Variants in FOXP1 observed in about 807,000 individuals in gnomAD.
FOXP1 encodes the protein forkhead box protein P1.
In FOXP1, 15 loss-of-function variants were observed where a neutral mutation model predicts 98.2. The ratio of observed to expected loss-of-function variants is 0.15; its 90% confidence interval spans 0.10 to 0.24. FOXP1 has a LOEUF of 0.24. FOXP1 is among the 10% of genes least tolerant of loss of function. The pLI is 1.00. For synonymous variants in FOXP1, 371 were observed against 314.5 expected (o/e 1.18, Z -1.90); for missense variants, 633 against 848.5 (o/e 0.75, Z 3.15).
intron 3 of FOXP1, among the ~76,000 whole-genome samples, chr3:71,363,177 AT>A (rs1560372566): frequency 6.6e-6 from 1 of 151,996 alleles, no homozygotes; most frequent in Non-Finnish European, 1.5e-5. Flanking sequence ...AAAATTGAAA[AT>A]TTTTTCAATT....
intron 3 of FOXP1, among the ~76,000 whole-genome samples, chr3:71,414,253 T>C (rs1035100955): frequency 1.3e-5 from 2 of 152,224 alleles, no homozygotes; most frequent in African/African-American, 4.8e-5. Context: ...GCTCTGCTTT[T>C]TGGCCAGCCG....
chr3:71,373,693 G>T (rs2079508122), intron 3 of FOXP1, among the ~76,000 whole-genome samples: 2 of 151,938 alleles, frequency 1.3e-5, no homozygotes, highest in African/African-American at 4.9e-5. Context: ...ACATTATCAG[G>T]AGAAGGTTTA....
At chr3:71,164,550 A>G (rs1397598477) in intron 6 of FOXP1, among the ~76,000 whole-genome samples, 1 of 152,212 alleles carries the variant, frequency 6.6e-6, no homozygotes, top group East Asian at 1.9e-4. Flanking sequence ...AAAGGAGAAA[A>G]CACATTGCTA....
At chr3:71,302,512 G>GC (rs2073931349) in intron 4 of FOXP1, among the ~76,000 whole-genome samples, 1 of 84,534 alleles carries the variant, frequency 1.2e-5, no homozygotes, top group East Asian at 4.6e-4. Context: ...AAGCTTTTAT[G>GC]TAAAAAAAAA....
intron 3 of FOXP1, among the ~76,000 whole-genome samples, chr3:71,412,528 A>G (rs1266436502): frequency 1.3e-5 from 2 of 152,212 alleles, no homozygotes; most frequent in Non-Finnish European, 2.9e-5. Flanking sequence ...AGCCAAAGAA[A>G]ATCACAAATG....
At chr3:71,054,642 A>C (rs974649376) in intron 7 of FOXP1, among the ~76,000 whole-genome samples, 4 of 152,218 alleles carry the variant, frequency 2.6e-5, no homozygotes, top group African/African-American at 4.8e-5. Context: ...TTAGCTATTC[A>C]AAATAATCAC....
chr3:71,372,069 G>C (rs1396014315), intron 3 of FOXP1, among the ~76,000 whole-genome samples: 2 of 150,984 alleles, frequency 1.3e-5, no homozygotes, highest in Non-Finnish European at 2.9e-5. Flanking sequence ...CTGGAGTGCA[G>C]TGGCACGATC....
chr3:71,367,988 A>G (rs954442477), intron 3 of FOXP1, among the ~76,000 whole-genome samples: 5 of 152,224 alleles, frequency 3.3e-5, no homozygotes, highest in Admixed American at 2.0e-4. Context: ...AAACGTGTTC[A>G]CCACTTAGGG....
At chr3:70,960,621 T>C (rs189072830) in intron 20 of FOXP1, among the ~76,000 whole-genome samples, 1 of 152,236 alleles carries the variant, frequency 6.6e-6, no homozygotes, top group Non-Finnish European at 1.5e-5. Context: ...TAAATTGACG[T>C]TATCAAGTAT....
Position 70,956,461 on chromosome 3 carries a change from C to G in FOXP1, c.*2786G>C, listed in dbSNP as rs1029428992. 1 of 216,702 alleles carries G rather than the reference C, an allele frequency of 4.6e-6. No homozygotes were observed. The highest frequency in any genetic ancestry group is 6.0e-5 in the Admixed American group (1 of 16,534). The allele number at this position is 216,702 out of a possible 1,614,324, so 13.4% of individuals were successfully genotyped here. Reference sequence around the variant, plus strand: ...CAGTCTTTAGACTAAGCATGCAAGACATACGACTAAGTGCAACTGAGTGAA... The same window carrying G: ...CAGTCTTTAGACTAAGCATGCAAGAGATACGACTAAGTGCAACTGAGTGAA... On this transcript the variant is annotated 3_prime_UTR_variant, in exon 21 of 21. Transcript: ENST00000649528.
intron 11 of FOXP1, among the ~76,000 whole-genome samples, chr3:71,029,450 G>T (rs909246495): frequency 6.6e-6 from 1 of 152,064 alleles, no homozygotes; most frequent in Non-Finnish European, 1.5e-5. Flanking sequence ...GAGTGCAGTG[G>T]TGTGATCTCG....
At chr3:71,563,954 T>A (rs919944979) in intron 2 of FOXP1, among the ~76,000 whole-genome samples, 2 of 152,260 alleles carry the variant, frequency 1.3e-5, no homozygotes, top group Non-Finnish European at 2.9e-5. Context: ...ACCCACAGTA[T>A]GCCAGATTAT....
At chr3:71,218,185 T>C (rs2065086436) in intron 5 of FOXP1, among the ~76,000 whole-genome samples, 1 of 152,238 alleles carries the variant, frequency 6.6e-6, no homozygotes, top group Non-Finnish European at 1.5e-5. Context: ...CCTTTCCTCA[T>C]TTCCCGTGAA....
chr3:71,264,455 CAT>C (rs1369867549), intron 5 of FOXP1, among the ~76,000 whole-genome samples: 6 of 152,144 alleles, frequency 3.9e-5, no homozygotes, highest in Non-Finnish European at 7.4e-5. Flanking sequence ...ATGCAAGACT[CAT>C]AAAATCTTGA....
At chr3:71,583,422 AGTT>A (rs1160010627) in intron 1 of FOXP1, 146 bp downstream of exon 1, 9 of 913,492 alleles carry the variant, frequency 9.9e-6, no homozygotes, top group Admixed American at 1.3e-4. Flanking sequence ...GGTGGAAAGT[AGTT>A]GTTTTTTTTT....
chr3:71,501,744 C>G (rs2041380376), intron 2 of FOXP1, among the ~76,000 whole-genome samples: 1 of 152,180 alleles, frequency 6.6e-6, no homozygotes, highest in Non-Finnish European at 1.5e-5. Context: ...CACTAACCAC[C>G]TTGAATCCAT....
At chr3:71,349,877 C>T (rs540004341) in intron 4 of FOXP1, among the ~76,000 whole-genome samples, 2 of 152,194 alleles carry the variant, frequency 1.3e-5, no homozygotes, top group South Asian at 4.1e-4. Context: ...CTATTTTTAT[C>T]CTCAGGTACC....
At chr3:71,020,871 C>T (rs763330232) in intron 11 of FOXP1, among the ~76,000 whole-genome samples, 1 of 152,282 alleles carries the variant, frequency 6.6e-6, no homozygotes, top group South Asian at 2.1e-4. Flanking sequence ...AGGCTACGTA[C>T]ATCTGTGCCC....
intron 7 of FOXP1, among the ~76,000 whole-genome samples, chr3:71,085,416 C>T (rs550877554): frequency 1.8e-4 from 27 of 152,268 alleles, no homozygotes; most frequent in Admixed American, 4.6e-4. Flanking sequence ...TCCCAAAGTG[C>T]CTCACATCAC....
Sources: allele counts gnomAD v4.1 joint callset (sites outside exome capture counted in the v4.1 genomes callset), GRCh38; gene constraint gnomAD v4.1.1; transcripts MANE v1.5; gene names NCBI Gene and HGNC (gene_info 2026-07-23, HGNC 2026-07-21).